Variants in SMAD9 observed in about 807,000 individuals in gnomAD.
SMAD9 encodes MAD homolog 9.
SMAD9 carries 36 observed loss-of-function variants against 46.1 expected under a neutral mutation model. That is an observed-to-expected ratio of 0.78 (90% confidence interval 0.60 to 1.03). The LOEUF is 1.03. SMAD9 is among the 50% of genes least tolerant of loss of function. The probability of loss-of-function intolerance (pLI) is 0.00; values close to 1 mark genes in which losing one functional copy is unlikely to be tolerated. For synonymous variants in SMAD9, 245 were observed against 237.1 expected, an observed-to-expected ratio of 1.03 and a Z score of -0.31; for missense variants, 572 against 599.8, an observed-to-expected ratio of 0.95 and a Z score of 0.48.
At chr13:36,890,036 G>C (rs929644239) in intron 1 of SMAD9, among the ~76,000 whole-genome samples, 2 of 152,050 alleles carry the variant, frequency 1.3e-5, no homozygotes, top group Non-Finnish European at 2.9e-5. Flanking sequence ...CTGATTCACA[G>C]ACAGCTTTTT....
intron 1 of SMAD9, among the ~76,000 whole-genome samples, chr13:36,895,197 C>T (rs1024789193): frequency 1.3e-5 from 2 of 152,152 alleles, no homozygotes; most frequent in African/African-American, 4.8e-5. Flanking sequence ...TTTCTATACC[C>T]ATATGTACCA....
chr13:36,852,186 T>C, intron 6 of SMAD9: 1 of 855,654 alleles, frequency 1.2e-6, no homozygotes, highest in Non-Finnish European at 1.4e-6. Flanking sequence ...ACTTTTTAAA[T>C]AATTACTAAA....
chr13:36,866,234 T>C (rs922530216), intron 4 of SMAD9, among the ~76,000 whole-genome samples: 1 of 151,416 alleles, frequency 6.6e-6, no homozygotes, highest in Non-Finnish European at 1.5e-5. Context: ...AGTTTGACTA[T>C]GATAAAAAGC....
chr13:36,902,357 T>C (rs1311404679), intron 1 of SMAD9, among the ~76,000 whole-genome samples: 3 of 152,230 alleles, frequency 2.0e-5, no homozygotes, highest in Non-Finnish European at 1.5e-5. Context: ...ATTCCATTGA[T>C]CTCTATGTCT....
At chr13:36,860,625 T>G (rs1005635606) in intron 5 of SMAD9, among the ~76,000 whole-genome samples, 4 of 151,576 alleles carry the variant, frequency 2.6e-5, no homozygotes, top group African/African-American at 9.7e-5. Flanking sequence ...AATTTTTTTT[T>G]GTATTTTTTA....
rs770243441 is a variant in SMAD9 at position 36,865,584 on chromosome 13, ACATTAGAAAGAAGTC to A, written c.941_955del (p.Gly314_Asn318del). ...ATTTTCTATCGTTGAGTTTCTGTTT[ACATTAGAAAGAAGTC>A]CAAGACAGAATCTGTTCCTGTTATT... On this transcript the variant is annotated inframe_deletion, in exon 5 of 7. Coordinates refer to ENST00000379826, the MANE Select transcript of SMAD9 (RefSeq NM_001127217.3). The A allele has an allele frequency of 3.7e-6, 6 of 1,613,990 alleles. No homozygotes were observed. The African/African-American group carries it at 8.0e-5, about 22-fold the overall frequency.
At chr13:36,898,128 G>T (rs932825683) in intron 1 of SMAD9, among the ~76,000 whole-genome samples, 1 of 152,012 alleles carries the variant, frequency 6.6e-6, no homozygotes, top group African/African-American at 2.4e-5. Context: ...AAAGTGCTGG[G>T]ATTACAGGAG....
intron 1 of SMAD9, among the ~76,000 whole-genome samples, chr13:36,887,327 A>C (rs187326544): frequency 2.1e-5 from 3 of 140,342 alleles, no homozygotes; most frequent in Non-Finnish European, 4.5e-5. Context: ...GGTTCAAGTG[A>C]TGCTCCTGCC....
chr13:36,901,954 T>C (rs1446807121), intron 1 of SMAD9, among the ~76,000 whole-genome samples: 1 of 152,236 alleles, frequency 6.6e-6, no homozygotes, highest in African/African-American at 2.4e-5. Flanking sequence ...CTGTATGTTG[T>C]CTTTTTATTT....
At chr13:36,857,207 A>C (rs1275924214) in intron 5 of SMAD9, among the ~76,000 whole-genome samples, 2 of 120,070 alleles carry the variant, frequency 1.7e-5, no homozygotes, top group Non-Finnish European at 1.6e-5. Flanking sequence ...AAGAGACATC[A>C]CACCTGTTAG....
chr13:36,879,217 A>G lies in SMAD9; in HGVS notation c.412+61T>C, dbSNP rs1413805299. On this transcript the variant is annotated intron_variant, in intron 2 of 6. Transcript: ENST00000379826. ...GTCTGCTGGTGCCCCATCATTCTCC[A>G]TCAATGGGGCACACGACCTTCACTC... 6 of 1,432,670 alleles carry G rather than the reference A, an allele frequency of 4.2e-6. No individual in the cohort carries two copies. The African/African-American group carries it at 7.0e-5, about 17-fold the overall frequency. 88.7% of individuals were successfully genotyped at this position (1,432,670 alleles called of 1,614,324 possible).
rs111314596 is a variant in SMAD9 at position 36,863,033 on chromosome 13, T to G, written c.1003+2504A>C. Among the ~76,000 whole-genome samples, 1,423 of 152,306 alleles carry G rather than the reference T, an allele frequency of 9.3e-3. 27 individuals are homozygous for G. The highest frequency in any genetic ancestry group is 0.033 in the African/African-American group (1,362 of 41,554). ...GCTCAGTAAGTACTCGTGAGATGAA[T>G]GCATATTACTAAAACCTAATGTCTG... On this transcript the variant is annotated intron_variant, in intron 5 of 6. Transcript: ENST00000379826.
intron 6 of SMAD9, 26 bp from the exon 7 acceptor site, chr13:36,848,845 G>A: frequency 6.2e-7 from 1 of 1,611,182 alleles, no homozygotes; most frequent in African/African-American, 1.3e-5. Context: ...GGAGCTGAGT[G>A]ATGGTGCCAC....
rs1175942299 is a variant in SMAD9, at chr13:36,847,393, T to C, written c.*1283A>G. 6.6e-6 allele frequency: 1 copy of C among 152,228 alleles called. No homozygotes were observed. Among genetic ancestry groups the C allele is most frequent in the African/African-American group, 2.4e-5 (1 of 41,466 alleles). The allele number at this position is 152,228 out of a possible 1,614,324, so 9.4% of individuals were successfully genotyped here. A position where few individuals can be genotyped will look rare whatever the true frequency, so the allele number is the denominator to read the frequency against. ...TGGCAAGTATATATATGAAAGTACC[T>C]AGAAATTTGGGGGATTTTCCTCCCT... On this transcript the variant is annotated 3_prime_UTR_variant, in exon 7 of 7. Coordinates refer to ENST00000379826, the MANE Select transcript of SMAD9 (RefSeq NM_001127217.3).
At chr13:36,885,353 C>T (rs887087712) in intron 1 of SMAD9, among the ~76,000 whole-genome samples, 1 of 151,866 alleles carries the variant, frequency 6.6e-6, no homozygotes, top group South Asian at 2.1e-4. Context: ...GTCTTATTAC[C>T]GTACAACTTG....
chr13:36,859,317 C>T (rs959696328), intron 5 of SMAD9, among the ~76,000 whole-genome samples: 3 of 152,042 alleles, frequency 2.0e-5, no homozygotes, highest in African/African-American at 7.2e-5. Flanking sequence ...ACCCTCTGCC[C>T]AAGGAGTTTG....
At chr13:36,908,652 T>C (rs2058636789) in intron 1 of SMAD9, among the ~76,000 whole-genome samples, 1 of 152,172 alleles carries the variant, frequency 6.6e-6, no homozygotes, top group African/African-American at 2.4e-5. Flanking sequence ...TCATCACTCC[T>C]GAATTTGGGT....
intron 5 of SMAD9, among the ~76,000 whole-genome samples, chr13:36,855,098 GGT>G (rs553839561): frequency 6.6e-5 from 10 of 151,814 alleles, no homozygotes; most frequent in Non-Finnish European, 1.0e-4. Context: ...TGGCCAACAT[GGT>G]GAAACCCTGT....
Position 36,846,135 on chromosome 13 carries a change from T to C in SMAD9, c.*2541A>G, listed in dbSNP as rs2058036967. 1 of 151,572 alleles carries C rather than the reference T, an allele frequency of 6.6e-6. No individual in the cohort carries two copies. Among genetic ancestry groups the C allele is most frequent in the Non-Finnish European group, 1.5e-5 (1 of 67,862 alleles). The allele number at this position is 151,572 out of a possible 1,614,324, so 9.4% of individuals were successfully genotyped here. Reference sequence around the variant, plus strand: ...CCACTGCATCCAGATTTTTTTTTTGTTTTTAATGTCATTTATGAGCCACCA... The same window carrying C: ...CCACTGCATCCAGATTTTTTTTTTGCTTTTAATGTCATTTATGAGCCACCA... On this transcript the variant is annotated 3_prime_UTR_variant, in exon 7 of 7. Coordinates refer to ENST00000379826, the MANE Select transcript of SMAD9 (RefSeq NM_001127217.3).
Sources: allele counts gnomAD v4.1 joint callset (sites outside exome capture counted in the v4.1 genomes callset), GRCh38; gene constraint gnomAD v4.1.1; transcripts MANE v1.5; gene names NCBI Gene and HGNC (gene_info 2026-07-23, HGNC 2026-07-21).